ERC2: variants seen among roughly 807,000 people sequenced by gnomAD.
The protein encoded by ERC2 is ELKS/RAB6-interacting/CAST family member 2.
In ERC2, 42 loss-of-function variants were observed where a neutral mutation model predicts 114.8. The observed-to-expected ratio is 0.37, with a 90% CI of 0.29 to 0.47. The LOEUF (loss-of-function observed/expected upper bound fraction) is 0.47, where lower values mean the gene tolerates loss of function less well. Ranked by LOEUF, ERC2 falls within the 20% of genes least tolerant of loss-of-function variation. ERC2 has a pLI of 0.99. For synonymous variants in ERC2, 454 were observed against 425.5 expected (o/e 1.07, Z -0.82); for missense variants, 939 against 1,150.7 (o/e 0.82, Z 2.66).
At chr3:56,334,873 C>T (rs1403043130) in intron 2 of ERC2, among the ~76,000 whole-genome samples, 12 of 152,164 alleles carry the variant, frequency 7.9e-5, no homozygotes, top group Admixed American at 7.9e-4. Context: ...GGCGCAATCT[C>T]GGCTCACTGC....
intron 12 of ERC2, among the ~76,000 whole-genome samples, chr3:55,952,033 G>A (rs2067556351): frequency 6.6e-6 from 1 of 150,788 alleles, no homozygotes. Flanking sequence ...GGGTGCAGCG[G>A]CTCATGCCTG....
chr3:56,245,619 C>A (rs531382296), intron 3 of ERC2, among the ~76,000 whole-genome samples: 22 of 151,802 alleles, frequency 1.4e-4, no homozygotes, highest in African/African-American at 4.6e-4. Context: ...CTGGAGTGCA[C>A]TGCAATCTCC....
chr3:55,539,403 C>CTTT (rs1173580811), intron 17 of ERC2, among the ~76,000 whole-genome samples: 2 of 90,960 alleles, frequency 2.2e-5, no homozygotes, highest in African/African-American at 3.4e-5. Flanking sequence ...CTCTCTCTCT[C>CTTT]TTTTTTTCTT....
At chr3:55,862,421 G>A (rs185884717) in intron 14 of ERC2, among the ~76,000 whole-genome samples, 4 of 152,162 alleles carry the variant, frequency 2.6e-5, no homozygotes, top group East Asian at 1.9e-4. Flanking sequence ...ACTTCCTCCC[G>A]TTGGGACACA....
chr3:55,732,134 G>T (rs2065288456), intron 15 of ERC2, among the ~76,000 whole-genome samples: 1 of 152,106 alleles, frequency 6.6e-6, no homozygotes, highest in Non-Finnish European at 1.5e-5. Flanking sequence ...AGAAAAGGGA[G>T]ATAATCCTGC....
At chr3:55,925,800 AT>A (rs2065712855) in intron 13 of ERC2, among the ~76,000 whole-genome samples, 1 of 152,190 alleles carries the variant, frequency 6.6e-6, no homozygotes, top group South Asian at 2.1e-4. Context: ...CGACCATATG[AT>A]GCTACTATTA....
In ERC2 at chr3:55,508,926, G is replaced by A. The variant is rs2051919017; in HGVS notation, c.*2390C>T. ...CTATGTTATGATTAGAAGAAAACCT[G>A]TTAAAGTTTGCGCAAAGGAAATAGC... is the stretch of plus-strand genomic sequence containing the variant. On this transcript the variant is annotated 3_prime_UTR_variant, in exon 18 of 18. Transcript: ENST00000288221. 6.6e-6 allele frequency: 1 copy of A among 152,574 alleles called. No homozygotes were observed. The highest frequency in any genetic ancestry group is 2.4e-5 in the African/African-American group (1 of 41,424). 9.5% of individuals were successfully genotyped at this position (152,574 alleles called of 1,614,324 possible).
chr3:56,032,909 A>AAGAGAGAGAGAGAC (rs1323400810), intron 7 of ERC2, among the ~76,000 whole-genome samples: 15 of 56,924 alleles, frequency 2.6e-4, no homozygotes, highest in South Asian at 6.4e-4. Context: ...GACAGAAAGA[A>AAGAGAGAGAGAGAC]AGAAAGAAAG....
intron 17 of ERC2, among the ~76,000 whole-genome samples, chr3:55,680,878 A>C (rs974045060): frequency 1.3e-5 from 2 of 152,230 alleles, no homozygotes; most frequent in African/African-American, 4.8e-5. Flanking sequence ...TGGTGTAGGC[A>C]GCATAGACTA....
intron 4 of ERC2, among the ~76,000 whole-genome samples, chr3:56,172,113 C>T (rs922343921): frequency 3.4e-4 from 51 of 151,208 alleles, no homozygotes; most frequent in African/African-American, 1.2e-3. Flanking sequence ...TTATGAACCA[C>T]TGGCCTACCA....
chr3:56,448,411 G>A (rs2062678481), intron 1 of ERC2, among the ~76,000 whole-genome samples: 1 of 152,120 alleles, frequency 6.6e-6, no homozygotes, highest in African/African-American at 2.4e-5. Context: ...TACAGAGATG[G>A]GGAAGGTGAG....
intron 1 of ERC2, among the ~76,000 whole-genome samples, chr3:56,442,964 A>G (rs1576992591): frequency 6.6e-6 from 1 of 152,184 alleles, no homozygotes; most frequent in Non-Finnish European, 1.5e-5. Flanking sequence ...GAGGAAGGTG[A>G]TTACAGGACT....
intron 14 of ERC2, among the ~76,000 whole-genome samples, chr3:55,739,611 T>C (rs1372423266): frequency 2.0e-5 from 3 of 152,176 alleles, no homozygotes; most frequent in Non-Finnish European, 2.9e-5. Context: ...GGGTTGTTTT[T>C]TTTCTTGTAA....
At chr3:56,439,852 G>C (rs2062207585) in intron 1 of ERC2, among the ~76,000 whole-genome samples, 1 of 151,558 alleles carries the variant, frequency 6.6e-6, no homozygotes, top group South Asian at 2.1e-4. Flanking sequence ...AGAATTCTAT[G>C]TATAAAACTC....
intron 13 of ERC2, among the ~76,000 whole-genome samples, chr3:55,914,957 A>C (rs2065010122): frequency 1.3e-5 from 2 of 152,198 alleles, no homozygotes; most frequent in South Asian, 4.1e-4. Context: ...GATAGAACCA[A>C]AGATTTTAAA....
intron 2 of ERC2, among the ~76,000 whole-genome samples, chr3:56,386,386 C>T (rs1296860709): frequency 1.3e-5 from 2 of 152,084 alleles, no homozygotes; most frequent in Non-Finnish European, 2.9e-5. Flanking sequence ...GTTCTGATTA[C>T]ACTTTTCTTT....
chr3:56,237,159 C>T (rs944273701), intron 3 of ERC2, among the ~76,000 whole-genome samples: 18 of 152,292 alleles, frequency 1.2e-4, no homozygotes, highest in African/African-American at 4.3e-4. Context: ...CCACAAAATA[C>T]CTGCCTGCCT....
chr3:55,714,750 A>G (rs1465331395), intron 15 of ERC2, among the ~76,000 whole-genome samples: 8 of 142,434 alleles, frequency 5.6e-5, no homozygotes, highest in African/African-American at 1.5e-4. Context: ...ACCATTTATA[A>G]TTATTGCTGG....
intron 14 of ERC2, among the ~76,000 whole-genome samples, chr3:55,821,773 T>C (rs1179407088): frequency 6.6e-6 from 1 of 152,240 alleles, no homozygotes; most frequent in Non-Finnish European, 1.5e-5. Context: ...AGAGCTTCTG[T>C]GTGTCCCACA....
Sources: allele counts gnomAD v4.1 joint callset (sites outside exome capture counted in the v4.1 genomes callset), GRCh38; gene constraint gnomAD v4.1.1; transcripts MANE v1.5; gene names NCBI Gene and HGNC (gene_info 2026-07-23, HGNC 2026-07-21).